Variants in CMSS1 observed in about 807,000 individuals in gnomAD.
CMSS1 encodes cms1 ribosomal small subunit homolog.
In CMSS1, 33 loss-of-function variants were observed where a neutral mutation model predicts 43.5. The ratio of observed to expected loss-of-function variants is 0.76; its 90% CI spans 0.57 to 1.01. The LOEUF (loss-of-function observed/expected upper bound fraction) is 1.01, where lower values mean the gene tolerates loss of function less well. CMSS1 is among the 50% of genes least tolerant of loss of function. CMSS1 has a pLI of 0.00. For missense variants in CMSS1, 313 were observed against 326.4 expected (o/e 0.96, Z 0.32); for synonymous variants, 115 against 117.2 (o/e 0.98, Z 0.12).
Position 99,995,512 on chromosome 3 carries a change from G to A in CMSS1, c.65-151461G>A, listed in dbSNP as rs569530184. 9.9e-5 allele frequency among the ~76,000 whole-genome samples: 15 copies of A among 152,274 alleles called. No homozygotes were observed. The South Asian group carries it at 2.3e-3, about 23-fold the overall frequency. ...CCATTCTGGGGTCTGGAGGATGGTG[G>A]CCCTCTTCTCACAGCTCCACTAGGC... On this transcript the variant is annotated intron_variant, in intron 1 of 9. Transcript: ENST00000421999.
At chr3:99,892,506 T>C (rs1706115632) in intron 1 of CMSS1, among the ~76,000 whole-genome samples, 1 of 152,244 alleles carries the variant, frequency 6.6e-6, no homozygotes, top group Admixed American at 6.5e-5. Context: ...TGGCAGGTTC[T>C]AGACATAGCA....
chr3:99,864,653 C>A (rs1043936763), intron 1 of CMSS1, among the ~76,000 whole-genome samples: 1 of 152,042 alleles, frequency 6.6e-6, no homozygotes, highest in Admixed American at 6.6e-5. Context: ...GCTTTCTGCT[C>A]CACCCACTTG....
At chr3:99,930,852 G>A (rs369213838) in intron 1 of CMSS1, 7 of 1,612,848 alleles carry the variant, frequency 4.3e-6, no homozygotes, top group Non-Finnish European at 5.9e-6. Flanking sequence ...TTACCACTGT[G>A]TGGCTTCTCT....
In CMSS1 at chr3:99,839,350, A is replaced by T. The variant is rs1943032515; in HGVS notation, c.64+21307A>T. On this transcript the variant is annotated intron_variant, in intron 1 of 9. Coordinates refer to ENST00000421999, the MANE Select transcript of CMSS1 (RefSeq NM_032359.4). Reference sequence around the variant, plus strand: ...ATGAGCAATATTGCATGCTTCATAAATATTTGTTGGTTCATTCTTGTAGGT... The same window carrying T: ...ATGAGCAATATTGCATGCTTCATAATTATTTGTTGGTTCATTCTTGTAGGT... Among the ~76,000 whole-genome samples, 3 of 152,190 alleles carry T rather than the reference A, an allele frequency of 2.0e-5. No homozygotes were observed. The South Asian group carries it at 6.2e-4, about 32-fold the overall frequency.
intron 4 of CMSS1, among the ~76,000 whole-genome samples, chr3:100,164,253 T>G (rs1454606032): frequency 6.6e-6 from 1 of 152,218 alleles, no homozygotes; most frequent in Non-Finnish European, 1.5e-5. Context: ...TGAAGTTTAA[T>G]TTTTACTGTG....
At chr3:100,074,345 A>G (rs1171743965) in intron 1 of CMSS1, among the ~76,000 whole-genome samples, 2 of 152,178 alleles carry the variant, frequency 1.3e-5, no homozygotes, top group Non-Finnish European at 2.9e-5. Flanking sequence ...CAAGATGTCA[A>G]TGTTGTGGCT....
chr3:99,892,918 G>A (rs1706130856), intron 1 of CMSS1, among the ~76,000 whole-genome samples: 1 of 152,076 alleles, frequency 6.6e-6, no homozygotes, highest in Admixed American at 6.5e-5. Context: ...CGTACTATTG[G>A]CCTGTATTTT....
intron 1 of CMSS1, among the ~76,000 whole-genome samples, chr3:99,872,143 A>G (rs1333074783): frequency 1.3e-5 from 2 of 152,148 alleles, no homozygotes; most frequent in Non-Finnish European, 2.9e-5. Flanking sequence ...CTACCTCTGC[A>G]TAGCTGTGTC....
At position 99,878,475 on chromosome 3, in the gene CMSS1, A is replaced by G. The variant is rs1705612813; in HGVS notation, c.64+60432A>G. Among the ~76,000 whole-genome samples, 4 of 152,242 alleles carry G rather than the reference A, an allele frequency of 2.6e-5. No homozygotes were observed. The South Asian group carries it at 8.3e-4, about 31-fold the overall frequency. ...GCCTTCTACATATATAGTCTTACAT[A>G]TATAGCCTTCTTCTACATAAATAGT... On this transcript the variant is annotated intron_variant, in intron 1 of 9. Coordinates refer to ENST00000421999, the MANE Select transcript of CMSS1 (RefSeq NM_032359.4).
intron 7 of CMSS1, 56 bp from the exon 8 acceptor site, chr3:100,172,260 A>G: frequency 1.2e-5 from 17 of 1,450,602 alleles, no homozygotes; most frequent in Middle Eastern, 1.8e-4. Context: ...AAATTGGTGT[A>G]AGATAGCACT....
rs1317502249 is a variant in CMSS1 at position 99,983,385 on chromosome 3, AATAAATATATATATAT to A, written c.65-163584_65-163569del. 2.0e-4 allele frequency among the ~76,000 whole-genome samples: 17 copies of A among 84,060 alleles called. 2 individuals carry two copies. The highest frequency in any genetic ancestry group is 1.5e-3 in the East Asian group (6 of 3,932). 55.1% of individuals were successfully genotyped at this position (84,060 alleles called of 152,430 possible). A position where few individuals can be genotyped will look rare whatever the true frequency, so the allele number is the denominator to read the frequency against. On this transcript the variant is annotated intron_variant, in intron 1 of 9. Transcript: ENST00000421999. Reference sequence around the variant, plus strand: ...CCTGTCTCTACTTAAAAAATAAATAAATAAATATATATATATATATATATATATATATATGTATGTA... The same window carrying A: ...CCTGTCTCTACTTAAAAAATAAATAAATATATATATATATATATGTATGTA...
At position 100,178,294 on chromosome 3, in the gene CMSS1, C is replaced by A. The variant is rs369545976; in HGVS notation, c.757-11C>A. 2.5e-6 allele frequency: 4 copies of A among 1,579,022 alleles called. No individual in the cohort carries two copies. In the African/African-American group the frequency reaches 4.0e-5, roughly 16 times the overall value. ...TCTTAATCTTTTTTTCCCCCCTTTTCTCTCATTTAGATAAGAAAGGAGGTA... is the reference window on the plus strand; with the variant it reads ...TCTTAATCTTTTTTTCCCCCCTTTTATCTCATTTAGATAAGAAAGGAGGTA... On this transcript the variant is annotated splice_polypyrimidine_tract_variant and intron_variant, in intron 9 of 9. Coordinates refer to ENST00000421999, the MANE Select transcript of CMSS1 (RefSeq NM_032359.4).
At chr3:100,015,632 A>C (rs1332888723) in intron 1 of CMSS1, among the ~76,000 whole-genome samples, 1 of 152,184 alleles carries the variant, frequency 6.6e-6, no homozygotes, top group Non-Finnish European at 1.5e-5. Flanking sequence ...TTATTGAGTA[A>C]AAGTTAGCTA....
intron 1 of CMSS1, among the ~76,000 whole-genome samples, chr3:99,965,198 CT>C (rs1708612707): frequency 6.6e-6 from 1 of 152,224 alleles, no homozygotes; most frequent in Admixed American, 6.5e-5. Flanking sequence ...GGGATATGTG[CT>C]TAAATTGTGA....
At chr3:100,158,222 G>C (rs1266850624) in intron 2 of CMSS1, among the ~76,000 whole-genome samples, 2 of 152,064 alleles carry the variant, frequency 1.3e-5, no homozygotes, top group East Asian at 3.9e-4. Context: ...AGTAATTTTT[G>C]ATACTTTAAG....
intron 2 of CMSS1, among the ~76,000 whole-genome samples, chr3:100,147,265 C>CTTTTTTTT (rs71132514): frequency 9.2e-5 from 8 of 86,852 alleles, no homozygotes; most frequent in South Asian, 4.3e-4. Flanking sequence ...AATTCTTTTT[C>CTTTTTTTT]TTTTTTTTTT....
At chr3:100,039,029 TGCATTAATTCA>T (rs2065157457) in intron 1 of CMSS1, among the ~76,000 whole-genome samples, 1 of 152,248 alleles carries the variant, frequency 6.6e-6, no homozygotes, top group African/African-American at 2.4e-5. Flanking sequence ...ACAATAATTT[TGCATTAATTCA>T]GCAATAACAG....
At chr3:99,911,245 A>G (rs1489431840) in intron 1 of CMSS1, among the ~76,000 whole-genome samples, 1 of 151,466 alleles carries the variant, frequency 6.6e-6, no homozygotes, top group Non-Finnish European at 1.5e-5. Context: ...ACAATAATGG[A>G]TAATGTGAAA....
At position 100,102,868 on chromosome 3, in the gene CMSS1, G is replaced by T. The variant is rs144401643; in HGVS notation, c.65-44105G>T. Reference sequence around the variant, plus strand: ...ATAGGAGAGAGGTTTTCTGTTTAGGGAATGTTGCTAAGCCCTGTCATCAAA... The same window carrying T: ...ATAGGAGAGAGGTTTTCTGTTTAGGTAATGTTGCTAAGCCCTGTCATCAAA... On this transcript the variant is annotated intron_variant, in intron 1 of 9. Transcript: ENST00000421999. Among the ~76,000 whole-genome samples the T allele has an allele frequency of 4.6e-3, 706 of 152,312 alleles. 2 individuals carry two copies. Among genetic ancestry groups the T allele is most frequent in the South Asian group, 7.1e-3 (34 of 4,822 alleles).
Sources: allele counts gnomAD v4.1 joint callset (sites outside exome capture counted in the v4.1 genomes callset), GRCh38; gene constraint gnomAD v4.1.1; transcripts MANE v1.5; gene names NCBI Gene and HGNC (gene_info 2026-07-23, HGNC 2026-07-21).